Variants in BCAN observed in about 807,000 individuals in gnomAD.
BCAN encodes brevican.
In BCAN, 51 loss-of-function variants were observed where a neutral mutation model predicts 92.4. The ratio of observed to expected loss-of-function variants is 0.55; its 90% CI spans 0.44 to 0.70. The LOEUF is 0.70. Ranked by LOEUF, BCAN falls within the 30% of genes least tolerant of loss-of-function variation. BCAN has a pLI of 0.00. For synonymous variants in BCAN, 501 were observed against 505.2 expected, an observed-to-expected ratio of 0.99 and a Z score of 0.11; for missense variants, 1,140 against 1,212.1, an observed-to-expected ratio of 0.94 and a Z score of 0.88.
At position 156,647,874 on chromosome 1, in the gene BCAN, C is replaced by T. The variant is rs1679038547; in HGVS notation, c.642-109C>T. 3 of 1,565,146 alleles carry T rather than the reference C, an allele frequency of 1.9e-6. No homozygotes were observed. Among genetic ancestry groups the T allele is most frequent in the South Asian group, 2.2e-5 (2 of 89,546 alleles). On this transcript the variant is annotated intron_variant, in intron 4 of 13. Coordinates refer to ENST00000329117, the MANE Select transcript of BCAN (RefSeq NM_021948.5). This position sits in a 1 kb window ranked among gnomAD's most constrained non-coding sequence, Gnocchi z 4.8. ...CCTGCAGTGCTAGAAGGACAGCCAG[C>T]TGTCAGCAAGTGTCTGCACTGTGGT...
intron 10 of BCAN, 109 bp downstream of exon 10, chr1:156,657,205 A>C: frequency 7.0e-5 from 95 of 1,352,220 alleles, no homozygotes; most frequent in Non-Finnish European, 8.3e-5. Context: ...TGGTTTTCTC[A>C]AGCGTGCATT....
chr1:156,654,411 A>G (rs1006005385), intron 8 of BCAN, among the ~76,000 whole-genome samples: 1 of 152,180 alleles, frequency 6.6e-6, no homozygotes, highest in Admixed American at 6.5e-5. Context: ...GAGGAGCACA[A>G]TTGGAGGTAT....
rs374061283 is a variant in BCAN at position 156,647,147 on chromosome 1, C to T, written c.438C>T (p.Ser146=). ...AGGTCCAGCACGGCATCGATGACAGCAGCGACGCTGTGGAGGTCAAGGTCA... is the reference window on the plus strand; with the variant it reads ...AGGTCCAGCACGGCATCGATGACAGTAGCGACGCTGTGGAGGTCAAGGTCA... ...RCEVQHGIDD[S]SDAVEVKVKG... is the part of the protein sequence containing the mutation. The change falls in exon 3 of 14, where the codon AGC becomes AGT. Residue 146 remains serine, a synonymous_variant. Coordinates refer to ENST00000329117, the MANE Select transcript of BCAN (RefSeq NM_021948.5). This position sits in a 1 kb window ranked among gnomAD's most constrained non-coding sequence, Gnocchi z 4.8. 5 of 1,561,742 alleles carry T rather than the reference C, an allele frequency of 3.2e-6. No homozygotes were observed. In the African/African-American group the frequency reaches 5.5e-5, roughly 17 times the overall value.
chr1:156,652,306 A>G lies in BCAN; in HGVS notation c.1356A>G (p.Ala452=), dbSNP rs1247375644. ...PTGFSEEEGK[A]LEEEEKYEDE... is the part of the protein sequence containing the mutation. ...GGTTCTCAGAAGAGGAAGGTAAGGC[A>G]TTGGAGGAAGAAGAGAAATATGAAG... is the stretch of plus-strand genomic sequence containing the variant. The change falls in exon 8 of 14, where the codon GCA becomes GCG. Residue 452 remains alanine (A), a synonymous_variant. Coordinates refer to ENST00000329117, the MANE Select transcript of BCAN (RefSeq NM_021948.5). 1.9e-6 allele frequency: 3 copies of G among 1,613,120 alleles called. No individual in the cohort carries two copies. Among genetic ancestry groups the G allele is most frequent in the Admixed American group, 1.7e-5 (1 of 59,950 alleles).
At chr1:156,653,437 T>C in intron 8 of BCAN, 1 of 991,624 alleles carries the variant, frequency 1.0e-6, no homozygotes, top group South Asian at 4.6e-5. Flanking sequence ...AAACAAGCCT[T>C]GGAAATAAAT....
Position 156,647,199 on chromosome 1 carries a change from A to C in BCAN, c.466+24A>C. On this transcript the variant is annotated intron_variant, in intron 3 of 13. Coordinates refer to ENST00000329117, the MANE Select transcript of BCAN (RefSeq NM_021948.5). This position sits in a 1 kb window ranked among gnomAD's most constrained non-coding sequence, Gnocchi z 4.8. ...AGGTGAGAGGGCAGGGAGGTTCCAGAGGGAGGGAGGGAGGGAGGGAAGGGA... is the reference window on the plus strand; with the variant it reads ...AGGTGAGAGGGCAGGGAGGTTCCAGCGGGAGGGAGGGAGGGAGGGAAGGGA... 1 of 164,968 alleles carries C rather than the reference A, an allele frequency of 6.1e-6. No individual in the cohort carries two copies. The highest frequency in any genetic ancestry group is 1.3e-5 in the Non-Finnish European group (1 of 79,224). The allele number at this position is 164,968 out of a possible 1,614,324, so 10.2% of individuals were successfully genotyped here.
chr1:156,644,000 GT>G (rs1382968639), intron 1 of BCAN: 4 of 152,264 alleles, frequency 2.6e-5, no homozygotes, highest in African/African-American at 7.2e-5. Context: ...GGTACCGGAT[GT>G]GGGGAAGTCT....
Position 156,647,826 on chromosome 1 carries a change from T to G in BCAN, c.641+144T>G, listed in dbSNP as rs751588415. The G allele has an allele frequency of 2.5e-5, 38 of 1,523,214 alleles. No individual in the cohort carries two copies. The Admixed American group carries it at 3.2e-4, about 13-fold the overall frequency. 94.4% of individuals were successfully genotyped at this position (1,523,214 alleles called of 1,614,324 possible). A position where few individuals can be genotyped will look rare whatever the true frequency, so the allele number is the denominator to read the frequency against. ...ATGAGGCTGGTCTGAGGAGGGGAGG[T>G]GAGGACCCTGAGCATGTGCATCCCT... is the stretch of plus-strand genomic sequence containing the variant. On this transcript the variant is annotated intron_variant, in intron 4 of 13. Coordinates refer to ENST00000329117, the MANE Select transcript of BCAN (RefSeq NM_021948.5). This position sits in a 1 kb window ranked among gnomAD's most constrained non-coding sequence, Gnocchi z 4.8.
chr1:156,646,892 C>T lies in BCAN; in HGVS notation c.183C>T (p.Tyr61=), dbSNP rs1271313573. 3 of 1,610,652 alleles carry T rather than the reference C, an allele frequency of 1.9e-6. No homozygotes were observed. Among genetic ancestry groups the T allele is most frequent in the Non-Finnish European group, 2.5e-6 (3 of 1,178,862 alleles). Reference sequence around the variant, plus strand: ...TCACCATCCCTTGCCACGTCCACTACCTGCGGCCACCGCCGAGCCGCCGGG... The same window carrying T: ...TCACCATCCCTTGCCACGTCCACTATCTGCGGCCACCGCCGAGCCGCCGGG... ...GALTIPCHVH[Y]LRPPPSRRAV... The change falls in exon 3 of 14, where the codon TAC becomes TAT. Residue 61 remains tyrosine (Y), a synonymous_variant. Transcript: ENST00000329117.
In BCAN at chr1:156,648,565, C is replaced by G. The variant is rs1679059734; in HGVS notation, c.770-3C>G. ...ATAACCCAGCCTTCTCTTCTCCACCCAGGAGAACTGTTCCTGGGTGACCCT... is the reference window on the plus strand; with the variant it reads ...ATAACCCAGCCTTCTCTTCTCCACCGAGGAGAACTGTTCCTGGGTGACCCT... On this transcript the variant is annotated splice_polypyrimidine_tract_variant and splice_region_variant and intron_variant, in intron 5 of 13. Coordinates refer to ENST00000329117, the MANE Select transcript of BCAN (RefSeq NM_021948.5). The G allele has an allele frequency of 1.9e-6, 3 of 1,580,682 alleles. No homozygotes were observed. Among genetic ancestry groups the G allele is most frequent in the South Asian group, 2.2e-5 (2 of 89,022 alleles).
At position 156,648,647 on chromosome 1, in the gene BCAN, G is replaced by T; in HGVS notation, c.849G>T (p.Glu283Asp). ...ARAYCQERGA[E>D]IATTGQLYAA... ...CGTACTGCCAGGAGCGGGGTGCAGA[G>T]ATTGCCACCACGGGCCAACTGTATG... Residue 283 changes from glutamate to aspartate, a missense_variant, in exon 6 of 14, where the codon GAG becomes GAT. Coordinates refer to ENST00000329117, the MANE Select transcript of BCAN (RefSeq NM_021948.5). The T allele has an allele frequency of 1.9e-6, 3 of 1,613,150 alleles. No homozygotes were observed. Among genetic ancestry groups the T allele is most frequent in the South Asian group, 1.1e-5 (1 of 91,064 alleles).
chr1:156,657,470 G>A lies in BCAN; in HGVS notation c.2210-205G>A, dbSNP rs550116540. 69 of 559,202 alleles carry A rather than the reference G, an allele frequency of 1.2e-4. No individual in the cohort carries two copies. In the Admixed American group the frequency reaches 1.2e-3, roughly 10 times the overall value. 34.6% of individuals were successfully genotyped at this position (559,202 alleles called of 1,614,324 possible). A position where few individuals can be genotyped will look rare whatever the true frequency, so the allele number is the denominator to read the frequency against. On this transcript the variant is annotated intron_variant, in intron 10 of 13. Transcript: ENST00000329117. ...TCCAAAACTCCCCTTTTCTAGCCTG[G>A]GTTGATATCTTCCTTATTCTCCCAC...
intron 8 of BCAN, among the ~76,000 whole-genome samples, chr1:156,655,490 T>C (rs1025134016): frequency 4.6e-5 from 7 of 152,016 alleles, no homozygotes; most frequent in African/African-American, 1.7e-4. Flanking sequence ...AGTCTGTGGA[T>C]ATAAGAAGGG....
chr1:156,645,250 C>A (rs1378615016), intron 1 of BCAN, among the ~76,000 whole-genome samples: 1 of 152,172 alleles, frequency 6.6e-6, no homozygotes, highest in African/African-American at 2.4e-5. Flanking sequence ...GGATAGAGGC[C>A]AGACTGGCAG....
In BCAN at chr1:156,652,686, G is replaced by A. The variant is rs748416928; in HGVS notation, c.1736G>A (p.Arg579Gln). ...TGGPELSGVP[R>Q]GESEETGSSE... ...GGTCCTGAGCTATCTGGGGTCCCTC[G>A]AGGAGAGAGCGAGGAGACAGGAAGC... The change falls in exon 8 of 14, where the codon CGA becomes CAA. Residue 579 changes from arginine to glutamine, a missense_variant. Coordinates refer to ENST00000329117, the MANE Select transcript of BCAN (RefSeq NM_021948.5). 1.4e-5 allele frequency: 23 copies of A among 1,610,866 alleles called. No homozygotes were observed. Among genetic ancestry groups the A allele is most frequent in the African/African-American group, 8.0e-5 (6 of 74,836 alleles).
At position 156,646,136 on chromosome 1, in the gene BCAN, G is replaced by A; in HGVS notation, c.82G>A (p.Asp28Asn). ...AGCTTTAGCAGATGTTCTGGAAGGA[G>A]ACAGCTCAGGTAAGCAACCCCACTT... ...PAALADVLEG[D>N]SSEDRAFRVR... Residue 28 changes from aspartate to asparagine, a missense_variant, in exon 2 of 14, where the codon GAC (aspartate) becomes AAC (asparagine). This residue lies in a region of BCAN where 286 missense variants were observed against 284.1 expected (regional missense o/e 1.01). Transcript: ENST00000329117. 1 of 1,613,662 alleles carries A rather than the reference G, an allele frequency of 6.2e-7. No homozygotes were observed. The highest frequency in any genetic ancestry group is 8.5e-7 in the Non-Finnish European group (1 of 1,179,634).
At chr1:156,649,680 A>G (rs114704886) in intron 6 of BCAN, among the ~76,000 whole-genome samples, 6,652 of 152,292 alleles carry the variant, frequency 0.044, 519 homozygotes, top group African/African-American at 0.15. Flanking sequence ...TGGGATTTAT[A>G]GGTGTGAGCC....
In BCAN at chr1:156,648,005, G is replaced by A; in HGVS notation, c.664G>A (p.Glu222Lys). The change falls in exon 5 of 14, where the codon GAG becomes AAG. Residue 222 changes from glutamate to lysine, a missense_variant. Transcript: ENST00000329117. ...TVRYPIQTPR[E>K]ACYGDMDGFP... is the part of the protein sequence containing the mutation. Reference sequence around the variant, plus strand: ...TAGGTATCCCATCCAGACCCCACGAGAGGCCTGTTACGGAGACATGGATGG... The same window carrying A: ...TAGGTATCCCATCCAGACCCCACGAAAGGCCTGTTACGGAGACATGGATGG... The A allele has an allele frequency of 1.9e-6, 3 of 1,614,040 alleles. 1 individual carries two copies. Among genetic ancestry groups the A allele is most frequent in the African/African-American group, 1.3e-5 (1 of 75,026 alleles).
At chr1:156,655,771 C>T (rs951720613) in intron 8 of BCAN, among the ~76,000 whole-genome samples, 1 of 152,138 alleles carries the variant, frequency 6.6e-6, no homozygotes, top group African/African-American at 2.4e-5. Context: ...ACTGTTGCTG[C>T]GGTAATCCTT....
Sources: gnomAD v4.1 joint callset for allele counts (sites outside exome capture counted in the v4.1 genomes callset) on GRCh38, gnomAD v4.1.1 for gene constraint, gnomAD v4.1.1 regional missense constraint, Gnocchi (gnomAD v3.1) non-coding constraint, MANE v1.5 for transcripts, NCBI Gene and HGNC (gene_info 2026-07-23, HGNC 2026-07-21) for gene names.